Variants in ATP8B2 observed in about 807,000 individuals in gnomAD.
ATP8B2 encodes phospholipid-transporting ATPase ID.
In ATP8B2, 70 loss-of-function variants were observed where a neutral mutation model predicts 133.4. That is an observed-to-expected ratio of 0.52 (90% CI 0.43 to 0.64). The LOEUF is 0.64. ATP8B2 is among the 30% of genes least tolerant of loss of function. ATP8B2 has a pLI of 0.00. For synonymous variants in ATP8B2, 517 were observed against 589.5 expected (o/e 0.88, Z 1.78); for missense variants, 1,101 against 1,535.7 (o/e 0.72, Z 4.73).
rs185375277 is a variant in ATP8B2, at chr1:154,343,708, C to T, written c.1758+140C>T. On this transcript the variant is annotated intron_variant, in intron 17 of 27. Coordinates refer to ENST00000368489, the MANE Select transcript of ATP8B2 (RefSeq NM_001370597.1). The surrounding 1 kb of genome is among the most constrained non-coding windows in gnomAD (Gnocchi z 5.8). ...TGTATATATAGTGAAGTGATTACTA[C>T]AGTCAGACAACTTAACACATCAGCC... 15 of 987,680 alleles carry T rather than the reference C, an allele frequency of 1.5e-5. No individual in the cohort carries two copies. In the African/African-American group the frequency reaches 1.8e-4, roughly 12 times the overall value. The allele number at this position is 987,680 out of a possible 1,614,324, so 61.2% of individuals were successfully genotyped here. A position where few individuals can be genotyped will look rare whatever the true frequency, so the allele number is the denominator to read the frequency against.
chr1:154,332,102 A>C, intron 8 of ATP8B2, 78 bp downstream of exon 8: 19 of 1,461,942 alleles, frequency 1.3e-5, no homozygotes, highest in Non-Finnish European at 1.8e-5. Flanking sequence ...TGAGGTTCTC[A>C]GGCCTGGGCT....
Position 154,343,021 on chromosome 1 carries a change from G to A in ATP8B2, c.1453+60G>A. ...TGACTCTGCCCTTGGGCTCTGCTCT[G>A]CTCTGCAATGCGGCTGGGCTGGGGC... On this transcript the variant is annotated intron_variant, in intron 15 of 27. Coordinates refer to ENST00000368489, the MANE Select transcript of ATP8B2 (RefSeq NM_001370597.1). This position sits in a 1 kb window ranked among gnomAD's most constrained non-coding sequence, Gnocchi z 5.8. 6.2e-7 allele frequency: 1 copy of A among 1,600,772 alleles called. No individual in the cohort carries two copies. The highest frequency in any genetic ancestry group is 8.5e-7 in the Non-Finnish European group (1 of 1,172,358).
Position 154,346,543 on chromosome 1 carries a change from C to T in ATP8B2, c.3024+67C>T, listed in dbSNP as rs1466115469. The T allele has an allele frequency of 2.5e-6, 4 of 1,608,090 alleles. No homozygotes were observed. In the East Asian group the frequency reaches 6.7e-5, roughly 27 times the overall value. On this transcript the variant is annotated intron_variant, in intron 25 of 27. Coordinates refer to ENST00000368489, the MANE Select transcript of ATP8B2 (RefSeq NM_001370597.1). This position sits in a 1 kb window ranked among gnomAD's most constrained non-coding sequence, Gnocchi z 4.5. ...TGAGCCTTCTGTCCCTGGGGCTGCC[C>T]TGGGCACCACAGTTCTGTTTCTGGG... is the stretch of plus-strand genomic sequence containing the variant.
chr1:154,337,810 T>G, intron 12 of ATP8B2: 1 of 1,298,580 alleles, frequency 7.7e-7, no homozygotes, highest in Non-Finnish European at 1.0e-6. Flanking sequence ...CAAAGAAGTG[T>G]GCTAGGTGCC....
rs533453151 is a variant in ATP8B2 at position 154,335,059 on chromosome 1, A to T, written c.837+468A>T. 8.5e-5 allele frequency among the ~76,000 whole-genome samples: 13 copies of T among 152,300 alleles called. No individual in the cohort carries two copies. In the East Asian group the frequency reaches 2.3e-3, roughly 27 times the overall value. On this transcript the variant is annotated intron_variant, in intron 11 of 27. Transcript: ENST00000368489. ...TGAATCCTTCTCTTGTTTAGCTAGA[A>T]ATCTGAACTCCTTGTTGGGCTCTCC...
rs140744498 is a variant in ATP8B2, at chr1:154,333,033, G to A, written c.589+336G>A. Among the ~76,000 whole-genome samples the A allele has an allele frequency of 2.9e-3, 435 of 152,270 alleles. 1 individual carries two copies. The highest frequency in any genetic ancestry group is 9.0e-3 in the African/African-American group (376 of 41,552). On this transcript the variant is annotated intron_variant, in intron 9 of 27. Transcript: ENST00000368489. The stretch of plus-strand genomic sequence containing the variant: ...GTATAAGAAAAAGTGAATAGAGGTC[G>A]GTACCATGGCTCACGCCTGTAATCC...
In ATP8B2 at chr1:154,332,507, A is replaced by AAAGAG. The variant is rs1181739163; in HGVS notation, c.510-111_510-110insAAGAG. On this transcript the variant is annotated intron_variant, in intron 8 of 27. Transcript: ENST00000368489. ...CAGGAGTTCGAGGCTTTAGTGAGCT[A>AAAGAG]TGATTGTGCGACTGCACTCCAGCCT... 178 of 819,740 alleles carry AAAGAG rather than the reference A, an allele frequency of 2.2e-4. No homozygotes were observed. The African/African-American group carries it at 2.6e-3, about 12-fold the overall frequency. The allele number at this position is 819,740 out of a possible 1,614,324, so 50.8% of individuals were successfully genotyped here. A position where few individuals can be genotyped will look rare whatever the true frequency, so the allele number is the denominator to read the frequency against.
Position 154,344,330 on chromosome 1 carries a change from C to T in ATP8B2, c.2036-65C>T, listed in dbSNP as rs949555094. The T allele has an allele frequency of 3.1e-6, 5 of 1,613,998 alleles. No individual in the cohort carries two copies. Among genetic ancestry groups the T allele is most frequent in the East Asian group, 4.5e-5 (2 of 44,902 alleles). ...GACCCTTGCATGGAGCCGAGGACATCAGGCAGGCAAGTGTGCTGACCTTGT... is the reference window on the plus strand; with the variant it reads ...GACCCTTGCATGGAGCCGAGGACATTAGGCAGGCAAGTGTGCTGACCTTGT... On this transcript the variant is annotated intron_variant, in intron 19 of 27. Coordinates refer to ENST00000368489, the MANE Select transcript of ATP8B2 (RefSeq NM_001370597.1). The surrounding 1 kb of genome is among the most constrained non-coding windows in gnomAD (Gnocchi z 4.1).
At chr1:154,342,424 G>T in intron 13 of ATP8B2, 56 bp from the exon 14 acceptor site, 3 of 1,562,666 alleles carry the variant, frequency 1.9e-6, no homozygotes, top group Non-Finnish European at 2.6e-6. Flanking sequence ...GTTTTTCCAT[G>T]CTCTGGAGCT....
In ATP8B2 at chr1:154,346,574, G is replaced by A. The variant is rs773631290; in HGVS notation, c.3025-46G>A. On this transcript the variant is annotated intron_variant, in intron 25 of 27. Coordinates refer to ENST00000368489, the MANE Select transcript of ATP8B2 (RefSeq NM_001370597.1). This position sits in a 1 kb window ranked among gnomAD's most constrained non-coding sequence, Gnocchi z 4.5. ...ACCACAGTTCTGTTTCTGGGGGAAG[G>A]GGCTTTTAGGGCGTGCGCCTGCCTG... is the stretch of plus-strand genomic sequence containing the variant. 6.0e-5 allele frequency: 96 copies of A among 1,612,522 alleles called. 1 individual carries two copies. The South Asian group carries it at 9.2e-4, about 16-fold the overall frequency.
In ATP8B2 at chr1:154,337,664, T is replaced by G. The variant is rs751897738; in HGVS notation, c.1034+120T>G. 10 of 1,604,640 alleles carry G rather than the reference T, an allele frequency of 6.2e-6. No homozygotes were observed. The African/African-American group carries it at 1.1e-4, about 17-fold the overall frequency. ...GAGAAGTCCTCTTCTTCCTGTACTG[T>G]AAACATTTGATGTTATCTGTTTATC... On this transcript the variant is annotated intron_variant, in intron 12 of 27. Transcript: ENST00000368489.
chr1:154,329,132 C>A, intron 2 of ATP8B2: 1 of 1,207,734 alleles, frequency 8.3e-7, no homozygotes. Flanking sequence ...CCCCTCCAAT[C>A]CCTACATTCA....
chr1:154,346,137 G>T lies in ATP8B2; in HGVS notation c.2779-94G>T. ...TAGCTGCCAAAGACTTTGGAAAGGA[G>T]GAGGCAGGGACAGAGTCAGAGTCTG... On this transcript the variant is annotated intron_variant, in intron 24 of 27. Transcript: ENST00000368489. The surrounding 1 kb of genome is among the most constrained non-coding windows in gnomAD (Gnocchi z 4.5). The T allele has an allele frequency of 8.6e-6, 13 of 1,518,818 alleles. No individual in the cohort carries two copies. The South Asian group carries it at 1.5e-4, about 18-fold the overall frequency. 94.1% of individuals were successfully genotyped at this position (1,518,818 alleles called of 1,614,324 possible).
chr1:154,327,104 T>C (rs888198199), intron 1 of ATP8B2, among the ~76,000 whole-genome samples: 1 of 152,130 alleles, frequency 6.6e-6, no homozygotes, highest in Non-Finnish European at 1.5e-5. Context: ...CCAGAATCTG[T>C]AATTATAGAG....
Position 154,328,017 on chromosome 1 carries a change from G to C in ATP8B2, c.-37-88G>C. ...TGGGGGAGGGGCAGGGTCAGAGCTG[G>C]AGAAGAGGGTCTTCAAAAGAGGTCT... On this transcript the variant is annotated intron_variant, in intron 1 of 27. Coordinates refer to ENST00000368489, the MANE Select transcript of ATP8B2 (RefSeq NM_001370597.1). The surrounding 1 kb of genome is among the most constrained non-coding windows in gnomAD (Gnocchi z 4.6). 1 of 1,520,320 alleles carries C rather than the reference G, an allele frequency of 6.6e-7. No homozygotes were observed. The highest frequency in any genetic ancestry group is 9.1e-7 in the Non-Finnish European group (1 of 1,094,806). The allele number at this position is 1,520,320 out of a possible 1,614,324, so 94.2% of individuals were successfully genotyped here.
intron 11 of ATP8B2, among the ~76,000 whole-genome samples, chr1:154,336,057 A>AG (rs140917749): frequency 0.12 from 17,496 of 149,660 alleles, 1,150 homozygotes; most frequent in Middle Eastern, 0.17. Context: ...AAAAAAAAAA[A>AG]GGCCATCTAT....
rs1180861083 is a variant in ATP8B2 at position 154,334,282 on chromosome 1, C to A, written c.748+17C>A. ...TCTTTGCAGGTGAGCCTCCTAGCAT[C>A]CAAAGAAAGAAGGGTAAGAGTGACT... On this transcript the variant is annotated intron_variant, in intron 10 of 27. Coordinates refer to ENST00000368489, the MANE Select transcript of ATP8B2 (RefSeq NM_001370597.1). The surrounding 1 kb of genome is among the most constrained non-coding windows in gnomAD (Gnocchi z 4.6). 8 of 1,612,638 alleles carry A rather than the reference C, an allele frequency of 5.0e-6. No individual in the cohort carries two copies. The highest frequency in any genetic ancestry group is 6.8e-6 in the Non-Finnish European group (8 of 1,178,862).
chr1:154,331,380 A>T lies in ATP8B2; in HGVS notation c.304-64A>T, dbSNP rs377147877. The T allele has an allele frequency of 3.9e-6, 6 of 1,545,538 alleles. No individual in the cohort carries two copies. The African/African-American group carries it at 8.2e-5, about 21-fold the overall frequency. ...CGTTAACCAGCATGCTCTGAGTTCT[A>T]CTGATCAACGAATTCCTTCGAGGCG... On this transcript the variant is annotated intron_variant, in intron 5 of 27. Transcript: ENST00000368489. This position sits in a 1 kb window ranked among gnomAD's most constrained non-coding sequence, Gnocchi z 4.8.
In ATP8B2 at chr1:154,350,377, C is replaced by T. The variant is rs1476190530; in HGVS notation, c.*1259C>T. On this transcript the variant is annotated 3_prime_UTR_variant, in exon 28 of 28. Transcript: ENST00000368489. ...AGCCACCACACCCAGCTCAGGGAGG[C>T]GTAGTTTTCTTTAATTTTAAATTTA... The T allele has an allele frequency of 2.6e-5, 4 of 152,112 alleles. No homozygotes were observed. The highest frequency in any genetic ancestry group is 4.8e-5 in the African/African-American group (2 of 41,404). The allele number at this position is 152,112 out of a possible 1,614,324, so 9.4% of individuals were successfully genotyped here.
Sources: allele counts gnomAD v4.1 joint callset (sites outside exome capture counted in the v4.1 genomes callset), GRCh38; gene constraint gnomAD v4.1.1; non-coding constraint Gnocchi (gnomAD v3.1); transcripts MANE v1.5; gene names NCBI Gene and HGNC (gene_info 2026-07-23, HGNC 2026-07-21).